The following EPN2 variants were observed in gnomAD, a reference collection of about 807,000 sequenced individuals.
The protein encoded by EPN2 is epsin 2, also known as epsin-2.
In EPN2, 34 loss-of-function variants were observed where a neutral mutation model predicts 61.7. The ratio of observed to expected loss-of-function variants is 0.55; its 90% confidence interval spans 0.42 to 0.73. EPN2 has a LOEUF of 0.73. EPN2 is among the 30% of genes least tolerant of loss of function. The pLI is 0.00. For missense variants in EPN2, 714 were observed against 839.2 expected (o/e 0.85, Z 1.84); for synonymous variants, 349 against 353.6 (o/e 0.99, Z 0.15).
intron 1 of EPN2, among the ~76,000 whole-genome samples, chr17:19,272,832 G>A (rs767750367): frequency 6.6e-6 from 1 of 152,056 alleles, no homozygotes; most frequent in East Asian, 1.9e-4. Flanking sequence ...TGAGGGGGAG[G>A]TGCAGCTCCT....
intron 5 of EPN2, 50 bp downstream of exon 5, chr17:19,310,047 TG>T: frequency 7.5e-7 from 1 of 1,337,970 alleles, no homozygotes; most frequent in Non-Finnish European, 1.1e-6. Flanking sequence ...ATGCTCAGGG[TG>T]GAGTGTGGCT....
At chr17:19,290,611 A>G (rs1439448931) in intron 4 of EPN2, among the ~76,000 whole-genome samples, 3 of 143,174 alleles carry the variant, frequency 2.1e-5, no homozygotes, top group African/African-American at 7.9e-5. Flanking sequence ...CCAGAGCTAC[A>G]GCTGTCTTGA....
At chr17:19,279,308 C>T (rs1269851256) in intron 1 of EPN2, among the ~76,000 whole-genome samples, 3 of 152,216 alleles carry the variant, frequency 2.0e-5, no homozygotes, top group Non-Finnish European at 4.4e-5. Context: ...GGAGCCCTGG[C>T]TGGGCCTCAC....
intron 1 of EPN2, among the ~76,000 whole-genome samples, chr17:19,253,312 A>G (rs2045034974): frequency 6.6e-6 from 1 of 151,312 alleles, no homozygotes. Context: ...ATTCCTTTTT[A>G]TGACCAAATA....
chr17:19,243,497 A>G (rs1047201297), intron 1 of EPN2, among the ~76,000 whole-genome samples: 5 of 139,228 alleles, frequency 3.6e-5, no homozygotes, highest in Non-Finnish European at 7.5e-5. Flanking sequence ...GGTTCACGCC[A>G]TTCTCCTGCC....
rs1037001863 is a variant in EPN2 at position 19,333,215 on chromosome 17, A to G, written c.1628-741A>G. Among the ~76,000 whole-genome samples the G allele has an allele frequency of 2.0e-5, 3 of 151,532 alleles. No individual in the cohort carries two copies. In the East Asian group the frequency reaches 5.9e-4, roughly 30 times the overall value. ...CCCTTGAAGGCCCTGCAGGAGCTCC[A>G]GTGGTCATCTGTGTCTGTCAGCTCT... is the stretch of plus-strand genomic sequence containing the variant. On this transcript the variant is annotated intron_variant, in intron 10 of 10. Coordinates refer to ENST00000314728, the MANE Select transcript of EPN2 (RefSeq NM_014964.5).
At chr17:19,267,664 T>A (rs899544951) in intron 1 of EPN2, among the ~76,000 whole-genome samples, 20 of 151,974 alleles carry the variant, frequency 1.3e-4, no homozygotes, top group African/African-American at 4.6e-4. Context: ...TGCCTTAGCC[T>A]CCTGAGTAGC....
At chr17:19,333,898 G>C in intron 10 of EPN2, 58 bp from the exon 11 acceptor site, 1 of 1,431,832 alleles carries the variant, frequency 7.0e-7, no homozygotes, top group East Asian at 2.4e-5. Flanking sequence ...CCTGACCTGG[G>C]AGCTCAGAAA....
At chr17:19,311,097 T>C (rs1280024783) in intron 5 of EPN2, among the ~76,000 whole-genome samples, 3 of 152,086 alleles carry the variant, frequency 2.0e-5, no homozygotes, top group Middle Eastern at 3.2e-3. Flanking sequence ...ATAGTTAGAT[T>C]TGAGTACTGA....
chr17:19,272,557 G>A (rs2045265504), intron 1 of EPN2, among the ~76,000 whole-genome samples: 1 of 152,158 alleles, frequency 6.6e-6, no homozygotes, highest in Non-Finnish European at 1.5e-5. Context: ...CATTTTAGAA[G>A]CGAGGACCCT....
intron 4 of EPN2, among the ~76,000 whole-genome samples, chr17:19,302,498 A>G (rs997838003): frequency 6.6e-6 from 1 of 152,172 alleles, no homozygotes; most frequent in African/African-American, 2.4e-5. Flanking sequence ...TGAACTGCAC[A>G]TGTGAGGGAT....
chr17:19,245,245 TTG>T (rs2044932282), intron 1 of EPN2, among the ~76,000 whole-genome samples: 1 of 152,208 alleles, frequency 6.6e-6, no homozygotes, highest in Non-Finnish European at 1.5e-5. Context: ...GTAAGGGTTT[TTG>T]TGTTTGCAGA....
chr17:19,276,392 T>G (rs905546195), intron 1 of EPN2: 7 of 113,182 alleles, frequency 6.2e-5, no homozygotes, highest in Non-Finnish European at 8.1e-5. Flanking sequence ...TTTTTTTTTT[T>G]GTAGAAATGA....
chr17:19,267,763 G>A (rs1035015599), intron 1 of EPN2, among the ~76,000 whole-genome samples: 4 of 151,990 alleles, frequency 2.6e-5, no homozygotes, highest in Non-Finnish European at 4.4e-5. Context: ...GGCTGGTCTC[G>A]AACTCCTGAC....
intron 1 of EPN2, among the ~76,000 whole-genome samples, chr17:19,239,305 C>A (rs144847914): frequency 6.6e-6 from 1 of 152,292 alleles, no homozygotes; most frequent in African/African-American, 2.4e-5. Flanking sequence ...ACGCCATCCA[C>A]CACGCCCGGC....
chr17:19,314,839 C>T (rs1906311786), intron 7 of EPN2, among the ~76,000 whole-genome samples: 1 of 152,216 alleles, frequency 6.6e-6, no homozygotes, highest in African/African-American at 2.4e-5. Flanking sequence ...CTGTGGTGCC[C>T]CAGGGCTGGC....
intron 1 of EPN2, among the ~76,000 whole-genome samples, chr17:19,274,626 T>A: frequency 6.6e-6 from 1 of 152,066 alleles, no homozygotes; most frequent in East Asian, 1.9e-4. Flanking sequence ...AGCTGAAAGG[T>A]GAACATCCTC....
In EPN2 at chr17:19,309,866, A is replaced by T. The variant is rs1484740775; in HGVS notation, c.767-19A>T. 1.3e-6 allele frequency: 2 copies of T among 1,596,238 alleles called. No homozygotes were observed. Among genetic ancestry groups the T allele is most frequent in the South Asian group, 2.2e-5 (2 of 90,936 alleles). On this transcript the variant is annotated intron_variant, in intron 4 of 10. Coordinates refer to ENST00000314728, the MANE Select transcript of EPN2 (RefSeq NM_014964.5). ...TCAGCCTTGTCTTTTGCATATGATG[A>T]CTTGGTCTTCCCCAACAGCCACCTC...
intron 7 of EPN2, among the ~76,000 whole-genome samples, chr17:19,317,598 A>T (rs535210113): frequency 1.3e-5 from 2 of 152,208 alleles, no homozygotes; most frequent in Non-Finnish European, 2.9e-5. Context: ...GGCGACCGGG[A>T]CACAGGCTCC....
Sources: allele counts gnomAD v4.1 joint callset (sites outside exome capture counted in the v4.1 genomes callset), GRCh38; gene constraint gnomAD v4.1.1; transcripts MANE v1.5; gene names NCBI Gene and HGNC (gene_info 2026-07-23, HGNC 2026-07-21).